Variants in SYN3 observed in about 807,000 individuals in gnomAD.
SYN3 encodes the protein synapsin III.
SYN3 carries 35 observed loss-of-function variants against 65.8 expected under a neutral mutation model. The ratio of observed to expected loss-of-function variants is 0.53; its 90% CI spans 0.41 to 0.70. The LOEUF (loss-of-function observed/expected upper bound fraction) is 0.70. Ranked by LOEUF, SYN3 falls within the 30% of genes least tolerant of loss-of-function variation. The pLI is 0.00. For synonymous variants in SYN3, 270 were observed against 292.9 expected (o/e 0.92, Z 0.80); for missense variants, 680 against 749.0 (o/e 0.91, Z 1.08).
intron 3 of SYN3, among the ~76,000 whole-genome samples, chr22:32,961,207 C>A (rs1461859408): frequency 1.3e-5 from 2 of 152,176 alleles, no homozygotes; most frequent in Admixed American, 6.5e-5. Flanking sequence ...TGTCTCCAGG[C>A]ATTGCCAAAT....
Position 33,047,688 on chromosome 22 carries a change from A to G in SYN3, c.-163+10604T>C, listed in dbSNP as rs137976203. Among the ~76,000 whole-genome samples, 359 of 152,130 alleles carry G rather than the reference A, an allele frequency of 2.4e-3. 2 individuals carry two copies. Among genetic ancestry groups the G allele is most frequent in the African/African-American group, 8.4e-3 (347 of 41,490 alleles). ...AATGTGAACAAAGAAGTTTGAGGTA[A>G]GATTGAAGAAAGAAAAAAAAAATAA... On this transcript the variant is annotated intron_variant, in intron 1 of 13. Coordinates refer to ENST00000358763, the MANE Select transcript of SYN3 (RefSeq NM_003490.4).
intron 4 of SYN3, among the ~76,000 whole-genome samples, chr22:32,918,204 C>T: frequency 6.6e-6 from 1 of 152,216 alleles, no homozygotes; most frequent in African/African-American, 2.4e-5. Flanking sequence ...GGCATTGTGC[C>T]AGGTGCTGGG....
intron 1 of SYN3, among the ~76,000 whole-genome samples, chr22:33,038,212 A>G (rs1023856086): frequency 1.3e-5 from 2 of 152,206 alleles, no homozygotes; most frequent in Non-Finnish European, 2.9e-5. Context: ...GCCAGGCACC[A>G]GGATCCCTAA....
chr22:32,634,604 G>A (rs935815244), intron 6 of SYN3, among the ~76,000 whole-genome samples: 29 of 152,180 alleles, frequency 1.9e-4, no homozygotes, highest in African/African-American at 6.3e-4. Context: ...CCCTCCCTGC[G>A]AGGGGTTTCA....
intron 1 of SYN3, among the ~76,000 whole-genome samples, chr22:33,028,125 T>C (rs576596011): frequency 2.0e-5 from 3 of 152,122 alleles, no homozygotes; most frequent in African/African-American, 7.2e-5. Context: ...CCGGGACACA[T>C]ACCAGATCAG....
At chr22:32,577,519 G>GT (rs1569056903) in intron 7 of SYN3, among the ~76,000 whole-genome samples, 1 of 152,162 alleles carries the variant, frequency 6.6e-6, no homozygotes, top group South Asian at 2.1e-4. Context: ...ACACTTACAT[G>GT]TTTTTTTGAT....
At chr22:32,776,035 A>C (rs1297576271) in intron 6 of SYN3, among the ~76,000 whole-genome samples, 1 of 152,168 alleles carries the variant, frequency 6.6e-6, no homozygotes, top group Non-Finnish European at 1.5e-5. Context: ...TCCTTATACG[A>C]GGCAGGCAGA....
chr22:32,557,256 G>A (rs2146332614), intron 7 of SYN3, among the ~76,000 whole-genome samples: 1 of 152,154 alleles, frequency 6.6e-6, no homozygotes, highest in South Asian at 2.1e-4. Context: ...TTCTATAGAG[G>A]GTGACCAACA....
intron 4 of SYN3, among the ~76,000 whole-genome samples, chr22:32,922,399 T>C (rs2050357817): frequency 6.6e-6 from 1 of 152,206 alleles, no homozygotes; most frequent in Non-Finnish European, 1.5e-5. Context: ...AAGGATGAAA[T>C]GAGTTAATTC....
chr22:32,704,616 G>A (rs2060855277), intron 6 of SYN3, among the ~76,000 whole-genome samples: 1 of 152,234 alleles, frequency 6.6e-6, no homozygotes, highest in South Asian at 2.1e-4. Flanking sequence ...TAATAGTTCT[G>A]GTTTTAGCTC....
intron 6 of SYN3, among the ~76,000 whole-genome samples, chr22:32,699,597 C>T (rs1316925545): frequency 6.7e-3 from 1 of 150 alleles, no homozygotes; most frequent in Non-Finnish European, 0.012. Flanking sequence ...GACCAAGTCA[C>T]ATTGCTCTCG....
intron 6 of SYN3, among the ~76,000 whole-genome samples, chr22:32,653,231 A>C (rs1421097276): frequency 2.0e-5 from 3 of 151,466 alleles, no homozygotes; most frequent in African/African-American, 7.3e-5. Context: ...TGTTTTTCCC[A>C]AACTGGACAA....
intron 7 of SYN3, among the ~76,000 whole-genome samples, chr22:32,561,081 C>T (rs1017735981): frequency 9.2e-5 from 14 of 152,166 alleles, no homozygotes; most frequent in Non-Finnish European, 2.1e-4. Context: ...GTTGTGCCCA[C>T]GATCAGAGTC....
intron 7 of SYN3, among the ~76,000 whole-genome samples, chr22:32,555,456 T>C (rs1269671205): frequency 1.3e-5 from 2 of 152,224 alleles, no homozygotes; most frequent in African/African-American, 4.8e-5. Context: ...CTCACCCTGC[T>C]GAGTTTCTCT....
At chr22:32,869,374 C>G (rs1035944738) in intron 4 of SYN3, among the ~76,000 whole-genome samples, 1 of 151,726 alleles carries the variant, frequency 6.6e-6, no homozygotes, top group African/African-American at 2.4e-5. Context: ...CTCTCACAGG[C>G]TCTTTCCTAA....
intron 8 of SYN3, among the ~76,000 whole-genome samples, chr22:32,540,390 C>T (rs2058235528): frequency 6.6e-6 from 1 of 152,216 alleles, no homozygotes; most frequent in African/African-American, 2.4e-5. Context: ...AGGGACTTTC[C>T]AGCTGTCCAG....
intron 6 of SYN3, among the ~76,000 whole-genome samples, chr22:32,707,505 G>A (rs957581402): frequency 6.6e-6 from 1 of 152,122 alleles, no homozygotes; most frequent in Non-Finnish European, 1.5e-5. Context: ...AGTCTCAAAT[G>A]GACCAGGGTT....
chr22:33,015,287 T>C (rs773371106), intron 1 of SYN3: 1 of 608,766 alleles, frequency 1.6e-6, no homozygotes, highest in African/African-American at 2.0e-5. Flanking sequence ...CAGACTATTT[T>C]AAACGGCGTT....
At chr22:32,909,961 C>T (rs985898570) in intron 4 of SYN3, among the ~76,000 whole-genome samples, 2 of 152,072 alleles carry the variant, frequency 1.3e-5, no homozygotes, top group African/African-American at 4.8e-5. Context: ...CGAGAAGGCG[C>T]GTTGGAATGA....
Sources: gnomAD v4.1 joint callset for allele counts (sites outside exome capture counted in the v4.1 genomes callset) on GRCh38, gnomAD v4.1.1 for gene constraint, MANE v1.5 for transcripts, NCBI Gene and HGNC (gene_info 2026-07-23, HGNC 2026-07-21) for gene names.